GSE1: variants seen among roughly 807,000 people sequenced by gnomAD.
The protein encoded by GSE1 is genetic suppressor element 1.
Under a neutral mutation model 112.6 loss-of-function variants are expected in GSE1, and 32 were observed. That is an observed-to-expected ratio of 0.28 (90% confidence interval 0.21 to 0.38). The LOEUF (loss-of-function observed/expected upper bound fraction) is 0.38. Among genes scored for constraint, GSE1 ranks in the 10% least tolerant of loss-of-function variants. GSE1 has a pLI of 1.00. For missense variants in GSE1, 2,348 were observed against 1,699.2 expected (o/e 1.38, Z -6.71); for synonymous variants, 1,115 against 735.6 (o/e 1.52, Z -8.35).
chr16:85,524,587 T>G (rs140680261), intron 2 of GSE1, among the ~76,000 whole-genome samples: 1 of 152,062 alleles, frequency 6.6e-6, no homozygotes, highest in Non-Finnish European at 1.5e-5. Flanking sequence ...CGAGGGGTGC[T>G]GAGGCCTCAT....
At chr16:85,535,108 A>G (rs2044278337) in intron 2 of GSE1, among the ~76,000 whole-genome samples, 1 of 152,194 alleles carries the variant, frequency 6.6e-6, no homozygotes, top group Admixed American at 6.5e-5. Context: ...GACAGAAATG[A>G]GACCCAGCCC....
At chr16:85,196,800 G>A (rs2074936430) in intron 1 of GSE1, among the ~76,000 whole-genome samples, 1 of 151,998 alleles carries the variant, frequency 6.6e-6, no homozygotes, top group Admixed American at 6.5e-5. Flanking sequence ...GGGCCTGCCG[G>A]AATTTTCATT....
At chr16:85,277,228 C>T (rs1300138385) in intron 1 of GSE1, among the ~76,000 whole-genome samples, 1 of 152,074 alleles carries the variant, frequency 6.6e-6, no homozygotes, top group East Asian at 1.9e-4. Context: ...TAAGGCCTGC[C>T]CAAGGAGGGA....
At chr16:85,256,750 C>T (rs1407662756) in intron 1 of GSE1, among the ~76,000 whole-genome samples, 1 of 152,288 alleles carries the variant, frequency 6.6e-6, no homozygotes, top group Non-Finnish European at 1.5e-5. Context: ...CCTCACTCTT[C>T]TGCCCTCTGG....
Position 85,675,679 on chromosome 16 carries a change from A to C in GSE1, c.*3140A>C, listed in dbSNP as rs2053639640. ...AATCTCAAAAGTTAAGCTGAATTTC[A>C]CACCAGATCCTACCCCTTTCCCTGA... On this transcript the variant is annotated 3_prime_UTR_variant, in exon 16 of 16. Coordinates refer to ENST00000253458, the MANE Select transcript of GSE1 (RefSeq NM_014615.5). 1 of 152,244 alleles carries C rather than the reference A, an allele frequency of 6.6e-6. No individual in the cohort carries two copies. Among genetic ancestry groups the C allele is most frequent in the African/African-American group, 2.4e-5 (1 of 41,458 alleles). The allele number at this position is 152,244 out of a possible 1,614,324, so 9.4% of individuals were successfully genotyped here. A position where few individuals can be genotyped will look rare whatever the true frequency, so the allele number is the denominator to read the frequency against.
intron 1 of GSE1, among the ~76,000 whole-genome samples, chr16:85,204,621 C>T (rs540715552): frequency 2.0e-5 from 3 of 152,248 alleles, no homozygotes; most frequent in Admixed American, 6.5e-5. Flanking sequence ...TCCTAGCAGG[C>T]GTGAAGTGGT....
At chr16:85,530,180 G>T (rs1598082858) in intron 2 of GSE1, among the ~76,000 whole-genome samples, 1 of 152,326 alleles carries the variant, frequency 6.6e-6, no homozygotes, top group East Asian at 1.9e-4. Context: ...GTCTGCCTTG[G>T]CTCCCTGAAG....
exon 1 of GSE1, chr16:85,171,168 C>T: frequency 1.0e-6 from 1 of 985,634 alleles, no homozygotes; most frequent in South Asian, 4.7e-5. Context: ...GGGCCCTGTA[C>T]CGGGCCTGCC....
chr16:85,532,392 C>T (rs2044166417), intron 2 of GSE1, among the ~76,000 whole-genome samples: 1 of 152,194 alleles, frequency 6.6e-6, no homozygotes. Context: ...TCCCGAGTAG[C>T]TGGAACCACA....
intron 2 of GSE1, among the ~76,000 whole-genome samples, chr16:85,382,820 GCA>G (rs912324001): frequency 1.3e-4 from 19 of 149,830 alleles, no homozygotes; most frequent in African/African-American, 4.5e-4. Context: ...ATACACACAT[GCA>G]CAAACACACT....
At chr16:85,176,910 T>G (rs1400928107) in intron 1 of GSE1, among the ~76,000 whole-genome samples, 1 of 152,170 alleles carries the variant, frequency 6.6e-6, no homozygotes, top group African/African-American at 2.4e-5. Flanking sequence ...CTGCCCCTCC[T>G]CCCCAGGCCC....
intron 2 of GSE1, among the ~76,000 whole-genome samples, chr16:85,418,819 A>T (rs2048761204): frequency 6.6e-6 from 1 of 152,038 alleles, no homozygotes; most frequent in African/African-American, 2.4e-5. Context: ...GTAGGGAGGG[A>T]TTGGATTTGG....
chr16:85,654,487 G>C, intron 4 of GSE1, 37 bp downstream of exon 4: 6 of 1,530,492 alleles, frequency 3.9e-6, no homozygotes, highest in Non-Finnish European at 5.3e-6. Flanking sequence ...GAGGTGGCCA[G>C]GTGGGGACAC....
intron 1 of GSE1, among the ~76,000 whole-genome samples, chr16:85,209,827 C>T (rs1567612348): frequency 1.3e-5 from 2 of 152,178 alleles, no homozygotes; most frequent in Non-Finnish European, 2.9e-5. Context: ...GGGGTCCCTA[C>T]CCTAATCCTG....
exon 1 of GSE1, chr16:85,170,440 A>C: frequency 1.0e-6 from 1 of 985,540 alleles, no homozygotes; most frequent in Non-Finnish European, 1.2e-6. Context: ...GACCCTGGAG[A>C]GCAGGCCGCT....
intron 1 of GSE1, among the ~76,000 whole-genome samples, chr16:85,601,993 G>A (rs551938256): frequency 1.3e-5 from 2 of 152,288 alleles, no homozygotes; most frequent in Non-Finnish European, 2.9e-5. Context: ...ACTGGGAGGC[G>A]GCGGGGAGGG....
rs186225372 is a variant in GSE1 at position 85,376,896 on chromosome 16, C to T, written c.2464+19253C>T. 1.2e-3 allele frequency among the ~76,000 whole-genome samples: 179 copies of T among 152,366 alleles called. 1 individual carries two copies. Among genetic ancestry groups the T allele is most frequent in the African/African-American group, 3.9e-3 (162 of 41,584 alleles). ...CCTCTCTGCACACCCCTCCGCACAC[C>T]GCACACCGCACACCCGGCCCCGCGT... On this transcript the variant is annotated intron_variant, in intron 2 of 2. Coordinates refer to the GSE1 transcript ENST00000637419.
intron 2 of GSE1, among the ~76,000 whole-genome samples, chr16:85,385,513 G>A (rs1163796618): frequency 6.6e-6 from 1 of 152,182 alleles, no homozygotes; most frequent in Admixed American, 6.5e-5. Context: ...GGGGCCCTGG[G>A]GAGCAGGGCA....
intron 2 of GSE1, among the ~76,000 whole-genome samples, chr16:85,483,527 A>G (rs16975647): frequency 0.071 from 10,857 of 152,314 alleles, 1,252 homozygotes; most frequent in African/African-American, 0.24. Context: ...CATGAAGCCT[A>G]TGAACAGTTG....
Sources: allele counts gnomAD v4.1 joint callset (sites outside exome capture counted in the v4.1 genomes callset), GRCh38; gene constraint gnomAD v4.1.1; transcripts MANE v1.5; gene names NCBI Gene and HGNC (gene_info 2026-07-23, HGNC 2026-07-21).